Variants in DENND1A observed in about 807,000 individuals in gnomAD.
DENND1A encodes the protein DENN domain containing 1A.
DENND1A carries 51 observed loss-of-function variants against 113.7 expected under a neutral mutation model. The observed-to-expected ratio is 0.45, with a 90% CI of 0.36 to 0.57. The LOEUF is 0.57. DENND1A is among the 20% of genes least tolerant of loss of function. The pLI is 0.00. For missense variants in DENND1A, 1,258 were observed against 1,395.9 expected (o/e 0.90, Z 1.57); for synonymous variants, 565 against 570.8 (o/e 0.99, Z 0.14).
intron 13 of DENND1A, among the ~76,000 whole-genome samples, chr9:123,469,491 T>A (rs1023055591): frequency 6.6e-6 from 1 of 152,240 alleles, no homozygotes; most frequent in Non-Finnish European, 1.5e-5. Flanking sequence ...TCGGCTCCTC[T>A]GTGCCAGCAG....
chr9:123,688,116 T>C lies in DENND1A; in HGVS notation c.303-11327A>G, dbSNP rs892855600. ...TTACATGCCTTTGCTTATTTACTCA[T>C]TGTAATTCTAGATAGGGTACCATCA... On this transcript the variant is annotated intron_variant, in intron 5 of 23. Transcript: ENST00000394215. Among the ~76,000 whole-genome samples, 5 of 152,214 alleles carry C rather than the reference T, an allele frequency of 3.3e-5. No homozygotes were observed. In the South Asian group the frequency reaches 6.2e-4, roughly 19 times the overall value.
intron 5 of DENND1A, among the ~76,000 whole-genome samples, chr9:123,754,804 T>C (rs2070381481): frequency 6.6e-6 from 1 of 152,232 alleles, no homozygotes; most frequent in African/African-American, 2.4e-5. Context: ...AACTGGCTTC[T>C]CACAAATATG....
At chr9:123,597,247 T>C (rs2059736954) in intron 11 of DENND1A, among the ~76,000 whole-genome samples, 1 of 152,210 alleles carries the variant, frequency 6.6e-6, no homozygotes. Flanking sequence ...TGAAACATTG[T>C]TTATTGCCCC....
chr9:123,769,497 T>C lies in DENND1A; in HGVS notation c.182+17A>G. ...TTGATACTTTTTTTCTAGTAAAGTT[T>C]GAAAATCTGACACTACCTGTCCACA... On this transcript the variant is annotated intron_variant, in intron 4 of 23. Transcript: ENST00000394215. 1 of 1,594,946 alleles carries C rather than the reference T, an allele frequency of 6.3e-7. No homozygotes were observed. The highest frequency in any genetic ancestry group is 8.5e-7 in the Non-Finnish European group (1 of 1,174,062).
chr9:123,673,909 C>T (rs2063889121), intron 6 of DENND1A, among the ~76,000 whole-genome samples: 1 of 152,034 alleles, frequency 6.6e-6, no homozygotes, highest in South Asian at 2.1e-4. Flanking sequence ...TGCCTCCTTC[C>T]CTGTCCAGAT....
chr9:123,664,111 C>G (rs1179806582), intron 8 of DENND1A, among the ~76,000 whole-genome samples: 9 of 152,236 alleles, frequency 5.9e-5, no homozygotes, highest in African/African-American at 2.2e-4. Context: ...GGAGATTATG[C>G]CTGATTTTTC....
intron 13 of DENND1A, among the ~76,000 whole-genome samples, chr9:123,537,660 G>A (rs181642793): frequency 2.7e-5 from 4 of 150,338 alleles, no homozygotes; most frequent in Middle Eastern, 3.4e-3. Flanking sequence ...AAAAACTCTT[G>A]GGCATGTAGT....
chr9:123,653,996 C>A (rs560053655), intron 8 of DENND1A, among the ~76,000 whole-genome samples: 20 of 152,154 alleles, frequency 1.3e-4, no homozygotes, highest in African/African-American at 4.8e-4. Flanking sequence ...TAGATCTCCT[C>A]AATCCAAAAC....
At chr9:123,629,916 A>G (rs1199939729) in intron 10 of DENND1A, among the ~76,000 whole-genome samples, 1 of 152,240 alleles carries the variant, frequency 6.6e-6, no homozygotes, top group Admixed American at 6.5e-5. Flanking sequence ...CCAAACTGAG[A>G]AATGTGAAAA....
At chr9:123,655,241 C>T (rs565003433) in intron 8 of DENND1A, among the ~76,000 whole-genome samples, 32 of 152,238 alleles carry the variant, frequency 2.1e-4, no homozygotes, top group Middle Eastern at 3.4e-3. Context: ...GTTTTTGCCA[C>T]GAGACGGGGT....
intron 13 of DENND1A, among the ~76,000 whole-genome samples, chr9:123,490,536 C>T (rs111993339): frequency 0.016 from 2,395 of 152,074 alleles, 32 homozygotes; most frequent in African/African-American, 0.034. Context: ...TTATAGTGAG[C>T]CAAGATCATG....
chr9:123,583,802 G>A (rs968905082), intron 11 of DENND1A, among the ~76,000 whole-genome samples: 1 of 152,132 alleles, frequency 6.6e-6, no homozygotes, highest in Admixed American at 6.5e-5. Flanking sequence ...TTTCAATTTG[G>A]TTCCATTTTC....
At chr9:123,706,679 G>A (rs1028504789) in intron 5 of DENND1A, among the ~76,000 whole-genome samples, 13 of 149,032 alleles carry the variant, frequency 8.7e-5, no homozygotes, top group South Asian at 2.1e-4. Flanking sequence ...GCTGAGGCAG[G>A]AGAATGGCGT....
chr9:123,526,779 G>T (rs1483396300), intron 13 of DENND1A, among the ~76,000 whole-genome samples: 4 of 152,028 alleles, frequency 2.6e-5, no homozygotes, highest in Non-Finnish European at 5.9e-5. Flanking sequence ...TCTTTCTTTG[G>T]TAGTCTCTTA....
At chr9:123,565,958 C>A (rs2058030938) in intron 12 of DENND1A, among the ~76,000 whole-genome samples, 1 of 152,134 alleles carries the variant, frequency 6.6e-6, no homozygotes. Context: ...ATGACAATGA[C>A]AAGTATTTTC....
At chr9:123,809,818 G>A (rs1172109021) in intron 2 of DENND1A, among the ~76,000 whole-genome samples, 1 of 152,036 alleles carries the variant, frequency 6.6e-6, no homozygotes, top group Non-Finnish European at 1.5e-5. Context: ...TTACAGGCAT[G>A]CACCACCCTG....
intron 13 of DENND1A, among the ~76,000 whole-genome samples, chr9:123,557,298 G>A (rs1444465112): frequency 6.6e-6 from 1 of 152,204 alleles, no homozygotes; most frequent in African/African-American, 2.4e-5. Context: ...GGGGCCTGGC[G>A]CTGCATCTGA....
chr9:123,516,977 T>A (rs1364067345), intron 13 of DENND1A, among the ~76,000 whole-genome samples: 2 of 148,242 alleles, frequency 1.3e-5, no homozygotes, highest in African/African-American at 2.5e-5. Context: ...TCAAGGACCT[T>A]AAAAATAATC....
chr9:123,839,652 A>G (rs1038496759), intron 2 of DENND1A, among the ~76,000 whole-genome samples: 4 of 152,246 alleles, frequency 2.6e-5, no homozygotes, highest in African/African-American at 7.2e-5. Flanking sequence ...GCTTACAATG[A>G]AAGCACAGCT....
Sources: gnomAD v4.1 joint callset for allele counts (sites outside exome capture counted in the v4.1 genomes callset) on GRCh38, gnomAD v4.1.1 for gene constraint, MANE v1.5 for transcripts, NCBI Gene and HGNC (gene_info 2026-07-23, HGNC 2026-07-21) for gene names.